ANKS1B: variants seen among roughly 807,000 people sequenced by gnomAD.
ANKS1B encodes ankyrin repeat and sterile alpha motif domain-containing protein 1B.
In ANKS1B, 36 loss-of-function variants were observed where a neutral mutation model predicts 148.3. The observed-to-expected ratio is 0.24, with a 90% confidence interval of 0.19 to 0.32. The LOEUF is 0.32. Among genes scored for constraint, ANKS1B ranks in the 10% least tolerant of loss-of-function variants. The probability of loss-of-function intolerance (pLI) is 1.00; values close to 1 mark genes in which losing one functional copy is unlikely to be tolerated. For synonymous variants in ANKS1B, 542 were observed against 560.8 expected (o/e 0.97, Z 0.47); for missense variants, 1,157 against 1,542.6 (o/e 0.75, Z 4.19).
chr12:99,409,803 T>G (rs1179897396), intron 11 of ANKS1B, among the ~76,000 whole-genome samples: 1 of 138,998 alleles, frequency 7.2e-6, no homozygotes, highest in Non-Finnish European at 1.6e-5. Flanking sequence ...TTAATATAAT[T>G]TTTACTACTC....
intron 9 of ANKS1B, among the ~76,000 whole-genome samples, chr12:99,615,047 T>C (rs1598160538): frequency 6.6e-6 from 1 of 152,206 alleles, no homozygotes; most frequent in Non-Finnish European, 1.5e-5. Flanking sequence ...TGATATATTG[T>C]ATCATGAAAA....
At chr12:99,365,245 C>G (rs1244564108) in intron 12 of ANKS1B, among the ~76,000 whole-genome samples, 1 of 152,186 alleles carries the variant, frequency 6.6e-6, no homozygotes, top group Non-Finnish European at 1.5e-5. Context: ...AACACAGAGG[C>G]CCAAAGCTCA....
At chr12:99,842,716 C>A (rs2153698714) in intron 1 of ANKS1B, among the ~76,000 whole-genome samples, 1 of 152,268 alleles carries the variant, frequency 6.6e-6, no homozygotes, top group African/African-American at 2.4e-5. Flanking sequence ...CCCAATCTCT[C>A]TCCCCCACTG....
In ANKS1B at chr12:99,340,847, T is replaced by A. The variant is rs904449143; in HGVS notation, c.1756+58784A>T. 2.6e-5 allele frequency among the ~76,000 whole-genome samples: 4 copies of A among 152,110 alleles called. No homozygotes were observed. In the East Asian group the frequency reaches 7.7e-4, roughly 29 times the overall value. ...TTCAAAGATATATAAATAATATGTG[T>A]TTACTTCTGAGAAATAATAAAATAC... On this transcript the variant is annotated intron_variant, in intron 12 of 26. Transcript: ENST00000683438.
At chr12:99,285,966 AG>A (rs2079072545) in intron 12 of ANKS1B, among the ~76,000 whole-genome samples, 3 of 152,224 alleles carry the variant, frequency 2.0e-5, no homozygotes, top group East Asian at 3.9e-4. Flanking sequence ...TAAACTTGAA[AG>A]ATGGTCTAGG....
chr12:99,493,368 A>G (rs2096572736), intron 10 of ANKS1B, among the ~76,000 whole-genome samples: 2 of 152,182 alleles, frequency 1.3e-5, no homozygotes, highest in African/African-American at 4.8e-5. Flanking sequence ...AATCTACAGA[A>G]TCTCTGGGAC....
chr12:98,822,291 T>G (rs1353740717), intron 19 of ANKS1B, among the ~76,000 whole-genome samples: 1 of 152,080 alleles, frequency 6.6e-6, no homozygotes, highest in African/African-American at 2.4e-5. Context: ...TTTTTACCAC[T>G]GGAAAAAGAA....
chr12:99,978,324 A>C (rs1015430164), intron 1 of ANKS1B, among the ~76,000 whole-genome samples: 3 of 152,188 alleles, frequency 2.0e-5, no homozygotes, highest in Non-Finnish European at 4.4e-5. Flanking sequence ...ACTGCTACAC[A>C]TCACCCTCAG....
chr12:99,415,790 T>C (rs2152692259), intron 11 of ANKS1B, among the ~76,000 whole-genome samples: 1 of 152,074 alleles, frequency 6.6e-6, no homozygotes, highest in Admixed American at 6.5e-5. Context: ...TTCACGCCAT[T>C]TTCCTGCCTC....
intron 8 of ANKS1B, among the ~76,000 whole-genome samples, chr12:99,749,505 C>T (rs563439614): frequency 6.6e-6 from 1 of 152,142 alleles, no homozygotes; most frequent in Admixed American, 6.6e-5. Context: ...TAACACATTC[C>T]TTTTCTGCAT....
intron 19 of ANKS1B, among the ~76,000 whole-genome samples, chr12:98,825,693 C>G (rs2099243402): frequency 6.6e-6 from 1 of 152,004 alleles, no homozygotes; most frequent in Non-Finnish European, 1.5e-5. Flanking sequence ...AGAATGTGGC[C>G]TTAACCTTAT....
chr12:99,571,290 T>A (rs2153222926), intron 9 of ANKS1B, among the ~76,000 whole-genome samples: 1 of 152,214 alleles, frequency 6.6e-6, no homozygotes, highest in African/African-American at 2.4e-5. Flanking sequence ...CTGTGCCACC[T>A]AAGGCTATGT....
chr12:98,944,043 T>C (rs1426376283), intron 17 of ANKS1B, among the ~76,000 whole-genome samples: 1 of 152,174 alleles, frequency 6.6e-6, no homozygotes, highest in Non-Finnish European at 1.5e-5. Flanking sequence ...CTCATGCCTG[T>C]AATTCCAGCA....
At chr12:98,901,288 T>G (rs2099771617) in intron 17 of ANKS1B, among the ~76,000 whole-genome samples, 1 of 152,198 alleles carries the variant, frequency 6.6e-6, no homozygotes, top group African/African-American at 2.4e-5. Context: ...AAATTTGTAT[T>G]AGCTGATTCC....
intron 11 of ANKS1B, among the ~76,000 whole-genome samples, chr12:99,427,062 G>A (rs1047534958): frequency 5.3e-5 from 8 of 151,926 alleles, no homozygotes; most frequent in African/African-American, 1.5e-4. Flanking sequence ...CCTATACTTC[G>A]GATTTACCCA....
intron 12 of ANKS1B, among the ~76,000 whole-genome samples, chr12:99,263,984 T>C (rs2076185652): frequency 6.6e-6 from 1 of 152,178 alleles, no homozygotes; most frequent in Non-Finnish European, 1.5e-5. Context: ...ATACAATTCT[T>C]GAATCTCAAG....
chr12:99,839,639 T>C (rs1565834437), intron 1 of ANKS1B, among the ~76,000 whole-genome samples: 1 of 152,144 alleles, frequency 6.6e-6, no homozygotes. Context: ...CAGATATCAT[T>C]CTAAATGTTT....
intron 1 of ANKS1B, among the ~76,000 whole-genome samples, chr12:99,866,888 C>A (rs891419349): frequency 2.8e-4 from 42 of 152,142 alleles, no homozygotes; most frequent in African/African-American, 8.9e-4. Context: ...TTGATTCCAA[C>A]ATCTCCATTG....
chr12:99,679,738 A>T (rs2098603434), intron 8 of ANKS1B, among the ~76,000 whole-genome samples: 1 of 152,252 alleles, frequency 6.6e-6, no homozygotes, highest in Non-Finnish European at 1.5e-5. Flanking sequence ...AGAACACAAT[A>T]GACCAACCAT....
Sources: gnomAD v4.1 joint callset for allele counts (sites outside exome capture counted in the v4.1 genomes callset) on GRCh38, gnomAD v4.1.1 for gene constraint, MANE v1.5 for transcripts, NCBI Gene and HGNC (gene_info 2026-07-23, HGNC 2026-07-21) for gene names.